Variants in SH3PXD2A observed in about 807,000 individuals in gnomAD.
The protein encoded by SH3PXD2A is SH3 and PX domain-containing protein 2A.
SH3PXD2A carries 32 observed loss-of-function variants against 115.2 expected under a neutral mutation model. That is an observed-to-expected ratio of 0.28 (90% CI 0.21 to 0.37). The LOEUF is 0.37. Ranked by LOEUF, SH3PXD2A falls within the 10% of genes least tolerant of loss-of-function variation. The pLI, the probability that SH3PXD2A is intolerant of heterozygous loss-of-function variation, is 1.00. For synonymous variants in SH3PXD2A, 610 were observed against 629.1 expected, an observed-to-expected ratio of 0.97 and a Z score of 0.45; for missense variants, 1,328 against 1,498.7, an observed-to-expected ratio of 0.89 and a Z score of 1.88.
At chr10:103,819,296 C>G (rs2039354303) in intron 1 of SH3PXD2A, among the ~76,000 whole-genome samples, 1 of 152,200 alleles carries the variant, frequency 6.6e-6, no homozygotes, top group African/African-American at 2.4e-5. Context: ...AGGCACCACT[C>G]TGGAAGGCTT....
chr10:103,668,161 G>A (rs2037409052), intron 7 of SH3PXD2A, among the ~76,000 whole-genome samples: 1 of 152,362 alleles, frequency 6.6e-6, no homozygotes, highest in Non-Finnish European at 1.5e-5. Flanking sequence ...TGCCTAAAGT[G>A]AGATGAACCA....
chr10:103,616,825 TCCAGGCAGCCCTAGCTGTGGAGCACA>T (rs1385132563), intron 11 of SH3PXD2A, among the ~76,000 whole-genome samples: 7 of 151,788 alleles, frequency 4.6e-5, no homozygotes, highest in South Asian at 2.1e-4. Context: ...ACGCCAGTGC[TCCAGGCAGCCCTAGCTGTGGAGCACA>T]CCAGGCAGCC....
intron 2 of SH3PXD2A, among the ~76,000 whole-genome samples, chr10:103,778,862 G>A (rs1035332757): frequency 2.6e-5 from 4 of 152,110 alleles, no homozygotes; most frequent in African/African-American, 9.7e-5. Context: ...GTTGAGCTTT[G>A]TCCCAACACA....
chr10:103,690,478 G>C (rs1193290086), intron 6 of SH3PXD2A, among the ~76,000 whole-genome samples: 3 of 152,152 alleles, frequency 2.0e-5, no homozygotes, highest in African/African-American at 7.2e-5. Context: ...ACTAAGGGAA[G>C]AGCTGCAGCT....
intron 8 of SH3PXD2A, among the ~76,000 whole-genome samples, chr10:103,637,006 G>A (rs903814933): frequency 5.9e-5 from 9 of 152,196 alleles, no homozygotes; most frequent in African/African-American, 1.9e-4. Context: ...GATGCCCAGT[G>A]GCATCAGGAA....
At chr10:103,631,939 G>A (rs1205853922) in intron 8 of SH3PXD2A, among the ~76,000 whole-genome samples, 1 of 152,076 alleles carries the variant, frequency 6.6e-6, no homozygotes, top group African/African-American at 2.4e-5. Context: ...GCAGCATAGT[G>A]AGATCCCATC....
intron 1 of SH3PXD2A, among the ~76,000 whole-genome samples, chr10:103,831,568 C>T (rs1589475479): frequency 6.6e-6 from 1 of 152,034 alleles, no homozygotes; most frequent in Non-Finnish European, 1.5e-5. Flanking sequence ...CTCAATAATC[C>T]CAGCATTTTG....
intron 3 of SH3PXD2A, among the ~76,000 whole-genome samples, chr10:103,751,013 C>T (rs911217062): frequency 1.3e-5 from 2 of 152,216 alleles, no homozygotes; most frequent in East Asian, 1.9e-4. Context: ...TTTTCTACCA[C>T]TGAGCTGTCT....
At chr10:103,639,631 A>G (rs1176755218) in intron 8 of SH3PXD2A, among the ~76,000 whole-genome samples, 3 of 86,508 alleles carry the variant, frequency 3.5e-5, no homozygotes, top group African/African-American at 1.5e-4. Context: ...AAAAAAGAAA[A>G]AGAAAAAAAA....
chr10:103,643,135 A>C (rs2036978754), intron 8 of SH3PXD2A, among the ~76,000 whole-genome samples: 1 of 152,248 alleles, frequency 6.6e-6, no homozygotes, highest in East Asian at 1.9e-4. Flanking sequence ...CAGCTCTCTG[A>C]CAACGTGGAT....
At chr10:103,821,142 C>CTT (rs5787500) in intron 1 of SH3PXD2A, among the ~76,000 whole-genome samples, 12 of 100,270 alleles carry the variant, frequency 1.2e-4, no homozygotes, top group South Asian at 3.6e-4. Context: ...GTCGTTCATT[C>CTT]TTTTTTTTTT....
intron 9 of SH3PXD2A, among the ~76,000 whole-genome samples, chr10:103,622,952 G>C (rs2036629964): frequency 6.6e-6 from 1 of 152,280 alleles, no homozygotes; most frequent in Admixed American, 6.5e-5. Context: ...GGAGGGTGTG[G>C]GGTCCTGCAA....
intron 9 of SH3PXD2A, 29 bp from the exon 10 acceptor site, chr10:103,622,582 C>A (rs574272539): frequency 2.1e-6 from 3 of 1,420,004 alleles, no homozygotes; most frequent in Non-Finnish European, 2.9e-6. Flanking sequence ...ATGGAGCATG[C>A]GGCCAACAGC....
intron 6 of SH3PXD2A, among the ~76,000 whole-genome samples, chr10:103,683,189 G>C (rs1483856064): frequency 6.6e-6 from 1 of 151,926 alleles, no homozygotes; most frequent in Non-Finnish European, 1.5e-5. Context: ...GCGAGACCCT[G>C]TTTCTACCAA....
intron 4 of SH3PXD2A, among the ~76,000 whole-genome samples, chr10:103,727,476 C>A (rs954697003): frequency 2.0e-5 from 3 of 152,116 alleles, no homozygotes; most frequent in Admixed American, 6.5e-5. Context: ...GAAACCATTA[C>A]CAGGGATCCC....
Position 103,746,503 on chromosome 10 carries a change from G to A in SH3PXD2A, c.230-10695C>T, listed in dbSNP as rs1358704237. 5.3e-5 allele frequency among the ~76,000 whole-genome samples: 8 copies of A among 151,874 alleles called. No individual in the cohort carries two copies. The highest frequency in any genetic ancestry group is 6.6e-5 in the Admixed American group (1 of 15,254). On this transcript the variant is annotated intron_variant, in intron 3 of 14. Coordinates refer to ENST00000369774, the MANE Select transcript of SH3PXD2A (RefSeq NM_001394015.1). The surrounding 1 kb of genome is among the most constrained non-coding windows in gnomAD (Gnocchi z 4.4). ...CCAGGCTAATTTTTTGTATTTTTTT[G>A]TAGAAACTGGGTTTCACCATGTAGC...
At chr10:103,619,191 G>A (rs1012557399) in intron 10 of SH3PXD2A, among the ~76,000 whole-genome samples, 16 of 152,174 alleles carry the variant, frequency 1.1e-4, no homozygotes, top group Non-Finnish European at 2.1e-4. Flanking sequence ...CTGCCAAGGC[G>A]GCCTGAGAAC....
chr10:103,836,207 T>A (rs998683485), intron 1 of SH3PXD2A, among the ~76,000 whole-genome samples: 1 of 152,178 alleles, frequency 6.6e-6, no homozygotes, highest in African/African-American at 2.4e-5. Context: ...GAGACCCTTT[T>A]ATACTAAAAT....
intron 3 of SH3PXD2A, among the ~76,000 whole-genome samples, chr10:103,764,232 C>A (rs1186203479): frequency 6.6e-6 from 1 of 152,150 alleles, no homozygotes. Context: ...CTTTTTCCTT[C>A]ATGTCTGAGC....
Sources: allele counts gnomAD v4.1 joint callset (sites outside exome capture counted in the v4.1 genomes callset), GRCh38; gene constraint gnomAD v4.1.1; non-coding constraint Gnocchi (gnomAD v3.1); transcripts MANE v1.5; gene names NCBI Gene and HGNC (gene_info 2026-07-23, HGNC 2026-07-21).